GRM8: variants seen among roughly 807,000 people sequenced by gnomAD.
GRM8 encodes glutamate metabotropic receptor 8.
GRM8 carries 47 observed loss-of-function variants against 87.2 expected under a neutral mutation model. That is an observed-to-expected ratio of 0.54 (90% CI 0.43 to 0.69). The LOEUF (loss-of-function observed/expected upper bound fraction) is 0.69. GRM8 is among the 30% of genes least tolerant of loss of function. The pLI is 0.00. For missense variants in GRM8, 1,019 were observed against 1,139.2 expected (o/e 0.89, Z 1.52); for synonymous variants, 396 against 404.5 (o/e 0.98, Z 0.25).
At chr7:126,599,625 C>T (rs1797544499) in intron 8 of GRM8, among the ~76,000 whole-genome samples, 1 of 152,042 alleles carries the variant, frequency 6.6e-6, no homozygotes, top group African/African-American at 2.4e-5. Context: ...CTTTTTGACC[C>T]ATTTGTACTG....
chr7:127,148,879 T>C (rs1368944773), intron 2 of GRM8, among the ~76,000 whole-genome samples: 1 of 151,974 alleles, frequency 6.6e-6, no homozygotes, highest in Non-Finnish European at 1.5e-5. Context: ...AAAACTGGAT[T>C]TCCACATGGA....
chr7:126,806,883 T>C (rs1792818223), intron 6 of GRM8, among the ~76,000 whole-genome samples: 1 of 152,140 alleles, frequency 6.6e-6, no homozygotes, highest in Non-Finnish European at 1.5e-5. Context: ...CGCGTCTCCC[T>C]CCACACCTCC....
chr7:126,468,559 G>A (rs1804775682), intron 9 of GRM8, among the ~76,000 whole-genome samples: 1 of 151,858 alleles, frequency 6.6e-6, no homozygotes, highest in Non-Finnish European at 1.5e-5. Flanking sequence ...CAGGATATAA[G>A]CCCTCTCATA....
intron 8 of GRM8, among the ~76,000 whole-genome samples, chr7:126,606,932 G>C (rs1287272490): frequency 6.6e-6 from 1 of 152,184 alleles, no homozygotes; most frequent in Non-Finnish European, 1.5e-5. Context: ...ATTATGTTAT[G>C]TAATGGTGTT....
At chr7:126,675,667 A>G (rs2151317806) in intron 7 of GRM8, among the ~76,000 whole-genome samples, 1 of 152,366 alleles carries the variant, frequency 6.6e-6, no homozygotes, top group South Asian at 2.1e-4. Context: ...TAGATGCAGA[A>G]AAATATTTTC....
chr7:126,928,178 TG>T (rs2131412366), intron 3 of GRM8, among the ~76,000 whole-genome samples: 1 of 119,500 alleles, frequency 8.4e-6, no homozygotes, highest in Non-Finnish European at 1.6e-5. Flanking sequence ...TAAGAACACA[TG>T]GACACAGGGA....
chr7:127,006,067 C>G (rs567165889), intron 3 of GRM8, among the ~76,000 whole-genome samples: 1 of 151,942 alleles, frequency 6.6e-6, no homozygotes, highest in South Asian at 2.1e-4. Context: ...ATATGATGAC[C>G]TTGACTTCTG....
rs576494567 is a variant in GRM8 at position 126,878,961 on chromosome 7, G to A, written c.1156+23581C>T. ...GTCGATCACCTGAGGTCAGGAGTTC[G>A]AGACCAGCCTGCCCAATATGGGGAA... is the stretch of plus-strand genomic sequence containing the variant. On this transcript the variant is annotated intron_variant, in intron 6 of 10. Coordinates refer to ENST00000339582, the MANE Select transcript of GRM8 (RefSeq NM_000845.3). Among the ~76,000 whole-genome samples, 12 of 151,950 alleles carry A rather than the reference G, an allele frequency of 7.9e-5. No individual in the cohort carries two copies. In the East Asian group the frequency reaches 2.2e-3, roughly 27 times the overall value.
chr7:127,219,977 C>G (rs926512960), intron 2 of GRM8, among the ~76,000 whole-genome samples: 5 of 152,212 alleles, frequency 3.3e-5, no homozygotes, highest in Admixed American at 2.6e-4. Context: ...GTAAGACTTT[C>G]CTTTTGCTGC....
At chr7:126,877,963 C>T (rs1447662409) in intron 6 of GRM8, among the ~76,000 whole-genome samples, 1 of 152,088 alleles carries the variant, frequency 6.6e-6, no homozygotes, top group African/African-American at 2.4e-5. Context: ...TTCATATTCA[C>T]GTTAAAGAAA....
intron 6 of GRM8, among the ~76,000 whole-genome samples, chr7:126,792,140 TAGAAG>T (rs1044242052): frequency 6.6e-6 from 1 of 152,212 alleles, no homozygotes; most frequent in African/African-American, 2.4e-5. Context: ...CAAAAAATGC[TAGAAG>T]AGGTCAGCAA....
intron 3 of GRM8, among the ~76,000 whole-genome samples, chr7:127,026,331 T>C (rs1338687839): frequency 2.0e-5 from 3 of 152,094 alleles, no homozygotes; most frequent in Non-Finnish European, 2.9e-5. Flanking sequence ...GTCTTTATAG[T>C]AGAATGATTT....
chr7:126,857,113 C>T (rs1441555773), intron 6 of GRM8, among the ~76,000 whole-genome samples: 2 of 152,332 alleles, frequency 1.3e-5, no homozygotes, highest in East Asian at 1.9e-4. Context: ...GACATAATTA[C>T]TCACTAGAGA....
chr7:127,088,186 C>G (rs1823701959), intron 3 of GRM8, among the ~76,000 whole-genome samples: 1 of 152,180 alleles, frequency 6.6e-6, no homozygotes, highest in African/African-American at 2.4e-5. Context: ...TAGGGAAGCC[C>G]TTTAGCTGGT....
At chr7:126,995,861 G>C (rs1030930978) in intron 3 of GRM8, among the ~76,000 whole-genome samples, 1 of 151,872 alleles carries the variant, frequency 6.6e-6, no homozygotes, top group Admixed American at 6.6e-5. Context: ...TCAAGTACAA[G>C]AAGGTTATAG....
At chr7:126,440,410 C>CAAA (rs35828454) in intron 10 of GRM8, among the ~76,000 whole-genome samples, 63 of 75,128 alleles carry the variant, frequency 8.4e-4, no homozygotes, top group Non-Finnish European at 9.6e-4. Flanking sequence ...GACTCCATCT[C>CAAA]AAAAAAAAAA....
At chr7:127,206,019 G>A (rs1795890762) in intron 2 of GRM8, among the ~76,000 whole-genome samples, 1 of 152,196 alleles carries the variant, frequency 6.6e-6, no homozygotes, top group Non-Finnish European at 1.5e-5. Context: ...AGGAAGCCCT[G>A]CCAGGTATAG....
intron 3 of GRM8, among the ~76,000 whole-genome samples, chr7:126,980,629 T>C (rs1811426624): frequency 6.6e-6 from 1 of 152,240 alleles, no homozygotes; most frequent in Non-Finnish European, 1.5e-5. Flanking sequence ...ACTATTTATA[T>C]TCTCAAATAG....
At chr7:127,134,336 G>A (rs182172943) in intron 2 of GRM8, among the ~76,000 whole-genome samples, 1 of 152,300 alleles carries the variant, frequency 6.6e-6, no homozygotes, top group East Asian at 1.9e-4. Context: ...CTATGCTGCA[G>A]TAAAGTTGTT....
Sources: gnomAD v4.1 joint callset for allele counts (sites outside exome capture counted in the v4.1 genomes callset) on GRCh38, gnomAD v4.1.1 for gene constraint, MANE v1.5 for transcripts, NCBI Gene and HGNC (gene_info 2026-07-23, HGNC 2026-07-21) for gene names.